The following PARD3B variants were observed in gnomAD, a reference collection of about 807,000 sequenced individuals.
PARD3B encodes partitioning defective 3 homolog B.
PARD3B carries 103 observed loss-of-function variants against 130.2 expected under a neutral mutation model. That is an observed-to-expected ratio of 0.79 (90% CI 0.67 to 0.93). PARD3B has a LOEUF of 0.93. Among genes scored for constraint, PARD3B ranks in the 40% least tolerant of loss-of-function variants. The pLI is 0.00. For synonymous variants in PARD3B, 583 were observed against 553.2 expected (o/e 1.05, Z -0.76); for missense variants, 1,609 against 1,499.2 (o/e 1.07, Z -1.21).
chr2:205,102,924 C>T (rs1197535658), intron 4 of PARD3B, among the ~76,000 whole-genome samples: 1 of 151,682 alleles, frequency 6.6e-6, no homozygotes, highest in Non-Finnish European at 1.5e-5. Context: ...CAAAATTAGC[C>T]GGGTGTGGTG....
rs916668932 is a variant in PARD3B, at chr2:205,446,527, G to A, written c.3044+5855G>A. Among the ~76,000 whole-genome samples, 1 of 151,966 alleles carries A rather than the reference G, an allele frequency of 6.6e-6. No homozygotes were observed. Among genetic ancestry groups the A allele is most frequent in the Admixed American group, 6.6e-5 (1 of 15,262 alleles). ...TTTGTCCATATATCTCTGTCACATA[G>A]GAACAGATCGTGTGTATGTGGTCCA... is the stretch of plus-strand genomic sequence containing the variant. On this transcript the variant is annotated intron_variant, in intron 20 of 22. Transcript: ENST00000406610. The surrounding 1 kb of genome is among the most constrained non-coding windows in gnomAD (Gnocchi z 4.4).
intron 3 of PARD3B, among the ~76,000 whole-genome samples, chr2:204,997,290 G>A (rs1030388642): frequency 9.9e-5 from 15 of 152,188 alleles, no homozygotes; most frequent in Non-Finnish European, 1.8e-4. Context: ...AGAAACCTAT[G>A]AGATTTTGAT....
intron 1 of PARD3B, among the ~76,000 whole-genome samples, chr2:204,583,648 A>G (rs1399741715): frequency 6.7e-6 from 1 of 149,252 alleles, no homozygotes; most frequent in Non-Finnish European, 1.5e-5. Flanking sequence ...AAAAAAAGCA[A>G]CAGAGTGTAT....
intron 1 of PARD3B, among the ~76,000 whole-genome samples, chr2:204,582,509 C>CA (rs951840443): frequency 4.6e-5 from 7 of 151,870 alleles, no homozygotes; most frequent in East Asian, 1.9e-4. Flanking sequence ...AGGTTCCCCC[C>CA]CCTCATTTCA....
chr2:204,975,940 T>G (rs1478606749), intron 3 of PARD3B, among the ~76,000 whole-genome samples: 1 of 152,170 alleles, frequency 6.6e-6, no homozygotes, highest in East Asian at 1.9e-4. Context: ...AAACTTAAAT[T>G]TATTTAAAGT....
At chr2:204,735,873 A>G (rs1320201353) in intron 2 of PARD3B, among the ~76,000 whole-genome samples, 2 of 152,228 alleles carry the variant, frequency 1.3e-5, no homozygotes, top group African/African-American at 4.8e-5. Context: ...GGCAACAATA[A>G]CAGAATATAA....
At chr2:205,137,826 A>G (rs1352784632) in intron 10 of PARD3B, among the ~76,000 whole-genome samples, 1 of 152,202 alleles carries the variant, frequency 6.6e-6, no homozygotes, top group Non-Finnish European at 1.5e-5. Context: ...CTTACATGGC[A>G]TTCTCCAAGA....
chr2:205,541,412 G>A (rs1164020450), intron 21 of PARD3B, among the ~76,000 whole-genome samples: 2 of 148,858 alleles, frequency 1.3e-5, no homozygotes, highest in Admixed American at 6.7e-5. Flanking sequence ...GCAATGGCGT[G>A]ATCTTGGTTC....
At chr2:205,159,007 C>A in intron 11 of PARD3B, 100 bp downstream of exon 11, 2 of 1,280,782 alleles carry the variant, frequency 1.6e-6, no homozygotes, top group Non-Finnish European at 2.2e-6. Flanking sequence ...AGACTTGAGG[C>A]CACTGAGACT....
At chr2:204,934,432 C>G (rs1028114805) in intron 2 of PARD3B, among the ~76,000 whole-genome samples, 1 of 152,152 alleles carries the variant, frequency 6.6e-6, no homozygotes, top group Non-Finnish European at 1.5e-5. Context: ...TGGAACAATG[C>G]AAATGCATAG....
intron 2 of PARD3B, among the ~76,000 whole-genome samples, chr2:204,927,436 G>A (rs1687704845): frequency 6.6e-6 from 1 of 152,186 alleles, no homozygotes; most frequent in African/African-American, 2.4e-5. Flanking sequence ...AAACCTGCTG[G>A]CACCTTTATC....
At chr2:204,942,560 T>C (rs761597709) in intron 2 of PARD3B, among the ~76,000 whole-genome samples, 1 of 152,084 alleles carries the variant, frequency 6.6e-6, no homozygotes, top group Non-Finnish European at 1.5e-5. Flanking sequence ...AAAACCTCTT[T>C]CCACAAATTT....
chr2:205,343,814 T>C (rs1317767492), intron 18 of PARD3B, among the ~76,000 whole-genome samples: 2 of 151,710 alleles, frequency 1.3e-5, no homozygotes, highest in Non-Finnish European at 2.9e-5. Context: ...TCTTTCTCTC[T>C]TTAACTAGTT....
intron 2 of PARD3B, among the ~76,000 whole-genome samples, chr2:204,937,771 C>T (rs1288714066): frequency 1.3e-5 from 2 of 152,090 alleles, no homozygotes; most frequent in Non-Finnish European, 2.9e-5. Flanking sequence ...TTTGCTTCTT[C>T]GTTTGCATGA....
chr2:205,527,950 G>A (rs2051409820), intron 21 of PARD3B, among the ~76,000 whole-genome samples: 1 of 152,156 alleles, frequency 6.6e-6, no homozygotes, highest in South Asian at 2.1e-4. Context: ...CATCAGAGAT[G>A]GATAGATGGA....
At chr2:205,399,494 A>C (rs1410499930) in intron 18 of PARD3B, among the ~76,000 whole-genome samples, 3 of 151,124 alleles carry the variant, frequency 2.0e-5, no homozygotes, top group Non-Finnish European at 4.4e-5. Flanking sequence ...AACTGGGACT[A>C]CAGGCATGCA....
intron 2 of PARD3B, among the ~76,000 whole-genome samples, chr2:204,918,629 C>CA (rs549430207): frequency 0.11 from 10,761 of 100,640 alleles, 525 homozygotes; most frequent in Middle Eastern, 0.14. Context: ...GACTCCGTCT[C>CA]AAAAAAAAAA....
chr2:204,735,894 C>T (rs918498587), intron 2 of PARD3B, among the ~76,000 whole-genome samples: 4 of 152,162 alleles, frequency 2.6e-5, no homozygotes, highest in African/African-American at 9.6e-5. Context: ...ATTATTAAAT[C>T]TGGGTGAAGG....
At chr2:205,474,426 T>C (rs2048956567) in intron 20 of PARD3B, among the ~76,000 whole-genome samples, 1 of 152,214 alleles carries the variant, frequency 6.6e-6, no homozygotes, top group Non-Finnish European at 1.5e-5. Flanking sequence ...AGTATTTACA[T>C]GCATATACAC....
Sources: allele counts gnomAD v4.1 joint callset (sites outside exome capture counted in the v4.1 genomes callset), GRCh38; gene constraint gnomAD v4.1.1; non-coding constraint Gnocchi (gnomAD v3.1); transcripts MANE v1.5; gene names NCBI Gene and HGNC (gene_info 2026-07-23, HGNC 2026-07-21).